Variants in PCCA observed in about 807,000 individuals in gnomAD.
PCCA encodes propionyl-CoA carboxylase alpha chain, mitochondrial.
In PCCA, 74 loss-of-function variants were observed where a neutral mutation model predicts 101.3. That is an observed-to-expected ratio of 0.73 (90% confidence interval 0.61 to 0.89). The LOEUF (loss-of-function observed/expected upper bound fraction) is 0.89. PCCA is among the 40% of genes least tolerant of loss of function. PCCA has a pLI of 0.00. For missense variants in PCCA, 891 were observed against 907.0 expected (o/e 0.98, Z 0.23); for synonymous variants, 294 against 313.6 (o/e 0.94, Z 0.66).
At chr13:100,518,299 A>G (rs1434680676) in intron 22 of PCCA, among the ~76,000 whole-genome samples, 1 of 152,224 alleles carries the variant, frequency 6.6e-6, no homozygotes, top group African/African-American at 2.4e-5. Flanking sequence ...ATCGTAATGA[A>G]CAAATCTGTT....
intron 16 of PCCA, among the ~76,000 whole-genome samples, chr13:100,317,318 G>A (rs915997765): frequency 3.3e-5 from 5 of 151,912 alleles, no homozygotes; most frequent in Admixed American, 2.0e-4. Flanking sequence ...TTTATTTCAC[G>A]TTTCTCTGTC....
At chr13:100,104,060 T>C (rs1409567647) in intron 2 of PCCA, among the ~76,000 whole-genome samples, 1 of 152,154 alleles carries the variant, frequency 6.6e-6, no homozygotes, top group Non-Finnish European at 1.5e-5. Flanking sequence ...TGATTGGAAA[T>C]AAAATATGGT....
chr13:100,369,153 C>T (rs1048916094), intron 19 of PCCA, among the ~76,000 whole-genome samples: 9 of 152,096 alleles, frequency 5.9e-5, no homozygotes, highest in African/African-American at 1.7e-4. Context: ...AACTGTGATC[C>T]GAGTGTGCCA....
intron 1 of PCCA, among the ~76,000 whole-genome samples, chr13:100,099,462 C>T (rs998472821): frequency 3.3e-5 from 5 of 151,692 alleles, no homozygotes; most frequent in African/African-American, 7.3e-5. Flanking sequence ...GGACTACAGG[C>T]GCCTGCCACC....
At chr13:100,383,536 G>C (rs1042188224) in intron 19 of PCCA, among the ~76,000 whole-genome samples, 2 of 151,826 alleles carry the variant, frequency 1.3e-5, no homozygotes, top group Admixed American at 1.3e-4. Flanking sequence ...TTTGAGCCTG[G>C]GAGATTGAGG....
At chr13:100,441,104 G>A (rs770603909) in intron 20 of PCCA, among the ~76,000 whole-genome samples, 11 of 152,230 alleles carry the variant, frequency 7.2e-5, no homozygotes, top group Non-Finnish European at 1.5e-4. Context: ...AAATTTAACC[G>A]AATGGGAAAA....
Position 100,268,695 on chromosome 13 carries a change from G to C in PCCA, c.826G>C (p.Gly276Arg), listed in dbSNP as rs2063103960. The change falls in exon 11 of 24, where the codon GGT (glycine) becomes CGT (arginine). Residue 276 changes from glycine (G) to arginine (R), a missense_variant. Gly to Arg is a moderately radical substitution (Grantham distance 125). Transcript: ENST00000376285. The part of the protein sequence containing the change: ...NPRHIEIQVL[G>R]DKHGNALWLN... ...AATGGTATTGCTCTTTCAGGTTCTA[G>C]GTGATAAACATGGGAATGCTTTATG... The C allele has an allele frequency of 1.9e-6, 3 of 1,611,558 alleles. No individual in the cohort carries two copies. The highest frequency in any genetic ancestry group is 2.5e-6 in the Non-Finnish European group (3 of 1,177,622).
At chr13:100,424,943 A>G (rs2079048508) in intron 19 of PCCA, among the ~76,000 whole-genome samples, 1 of 151,926 alleles carries the variant, frequency 6.6e-6, no homozygotes, top group Non-Finnish European at 1.5e-5. Flanking sequence ...GAAAACCAAT[A>G]GTTCTTTCAT....
intron 4 of PCCA, among the ~76,000 whole-genome samples, chr13:100,130,595 G>A (rs1338120361): frequency 6.6e-6 from 1 of 152,158 alleles, no homozygotes; most frequent in Non-Finnish European, 1.5e-5. Flanking sequence ...CTTATAAATA[G>A]TATTTGAAAA....
chr13:100,446,726 CAT>C (rs1292077023), intron 20 of PCCA, among the ~76,000 whole-genome samples: 1 of 152,142 alleles, frequency 6.6e-6, no homozygotes, highest in Non-Finnish European at 1.5e-5. Context: ...TTAAGTTCAA[CAT>C]GTGTGTATAA....
At chr13:100,244,967 G>A (rs557831627) in intron 8 of PCCA, among the ~76,000 whole-genome samples, 14 of 149,362 alleles carry the variant, frequency 9.4e-5, no homozygotes, top group Admixed American at 4.7e-4. Flanking sequence ...GTGTGTGTGC[G>A]CAGTAGTAGA....
intron 12 of PCCA, chr13:100,293,338 A>G (rs921491292): frequency 6.2e-5 from 26 of 417,712 alleles, no homozygotes; most frequent in Middle Eastern, 3.5e-4. Flanking sequence ...GAACCTTTAT[A>G]TTCCAGAAAG....
intron 19 of PCCA, among the ~76,000 whole-genome samples, chr13:100,405,970 T>C (rs1177919928): frequency 6.6e-6 from 1 of 152,094 alleles, no homozygotes; most frequent in Non-Finnish European, 1.5e-5. Flanking sequence ...TTTCACCATG[T>C]TGGCCAGGAT....
chr13:100,339,244 A>G (rs2070954651), intron 17 of PCCA, among the ~76,000 whole-genome samples: 1 of 152,182 alleles, frequency 6.6e-6, no homozygotes, highest in Non-Finnish European at 1.5e-5. Context: ...CATGTTCAGT[A>G]CAGACAACAA....
intron 19 of PCCA, among the ~76,000 whole-genome samples, chr13:100,416,854 GT>G (rs2078404696): frequency 6.6e-6 from 1 of 150,726 alleles, no homozygotes; most frequent in African/African-American, 2.4e-5. Flanking sequence ...TTGTTTGTTT[GT>G]TTTTTGAGAT....
intron 23 of PCCA, among the ~76,000 whole-genome samples, chr13:100,529,538 C>T (rs1159739281): frequency 6.6e-6 from 1 of 152,210 alleles, no homozygotes; most frequent in Non-Finnish European, 1.5e-5. Flanking sequence ...GTTCCACCCA[C>T]CCATGGTGCT....
intron 18 of PCCA, among the ~76,000 whole-genome samples, chr13:100,365,620 A>G (rs1183370246): frequency 1.3e-5 from 2 of 152,218 alleles, no homozygotes; most frequent in East Asian, 1.9e-4. Flanking sequence ...GAGGGAGGCA[A>G]TATTTTCCTT....
chr13:100,155,373 C>G (rs2053771845), intron 5 of PCCA, among the ~76,000 whole-genome samples: 1 of 152,182 alleles, frequency 6.6e-6, no homozygotes, highest in African/African-American at 2.4e-5. Context: ...AAAAAGAAAT[C>G]CCAATTAGTT....
At chr13:100,306,559 C>G (rs1374761524) in intron 14 of PCCA, among the ~76,000 whole-genome samples, 1 of 152,152 alleles carries the variant, frequency 6.6e-6, no homozygotes, top group Non-Finnish European at 1.5e-5. Context: ...TAACAGCAAT[C>G]AGCCTCTTCA....
Sources: gnomAD v4.1 joint callset for allele counts (sites outside exome capture counted in the v4.1 genomes callset) on GRCh38, gnomAD v4.1.1 for gene constraint, MANE v1.5 for transcripts, NCBI Gene and HGNC (gene_info 2026-07-23, HGNC 2026-07-21) for gene names.